The following SORL1 variants were observed in gnomAD, a reference collection of about 807,000 sequenced individuals.
SORL1 encodes the protein sortilin related receptor 1.
A neutral mutation model predicts 273.7 loss-of-function variants in SORL1; 127 were observed. That is an observed-to-expected ratio of 0.46 (90% CI 0.40 to 0.54). The LOEUF (loss-of-function observed/expected upper bound fraction) is 0.54. SORL1 is among the 20% of genes least tolerant of loss of function. The pLI is 0.00. For missense variants in SORL1, 2,494 were observed against 2,846.1 expected (o/e 0.88, Z 2.81); for synonymous variants, 1,031 against 1,067.4 (o/e 0.97, Z 0.66).
chr11:121,500,543 A>G (rs374403381), intron 6 of SORL1, among the ~76,000 whole-genome samples: 1 of 152,216 alleles, frequency 6.6e-6, no homozygotes, highest in South Asian at 2.1e-4. Context: ...GGTTGCTTTC[A>G]TGCCCAGTGG....
intron 27 of SORL1, among the ~76,000 whole-genome samples, chr11:121,587,470 C>T (rs893626625): frequency 2.0e-5 from 3 of 152,174 alleles, no homozygotes; most frequent in African/African-American, 4.8e-5. Context: ...TCAAAGGACA[C>T]GAATTCTTTT....
intron 30 of SORL1, 154 bp from the exon 31 acceptor site, chr11:121,590,847 C>T (rs1479753626): frequency 3.6e-6 from 3 of 824,910 alleles, no homozygotes; most frequent in East Asian, 4.8e-5. Context: ...TACATGATTT[C>T]TAGATTAGCC....
chr11:121,537,299 G>A (rs147479727), intron 12 of SORL1, among the ~76,000 whole-genome samples: 98 of 152,262 alleles, frequency 6.4e-4, no homozygotes, highest in African/African-American at 2.3e-3. Context: ...GAATGACATG[G>A]CTAGACTTGC....
chr11:121,593,523 C>G (rs1403163599), intron 31 of SORL1, among the ~76,000 whole-genome samples: 1 of 152,194 alleles, frequency 6.6e-6, no homozygotes, highest in African/African-American at 2.4e-5. Flanking sequence ...GCCTGTTACC[C>G]AGGGACTTTC....
chr11:121,465,199 A>T (rs1302364240), intron 1 of SORL1, among the ~76,000 whole-genome samples: 2 of 152,138 alleles, frequency 1.3e-5, no homozygotes, highest in Non-Finnish European at 2.9e-5. Context: ...GTAACCACTA[A>T]TCAGCTTTCT....
chr11:121,503,999 A>C (rs1256074237), intron 6 of SORL1, among the ~76,000 whole-genome samples: 1 of 152,228 alleles, frequency 6.6e-6, no homozygotes, highest in Non-Finnish European at 1.5e-5. Flanking sequence ...TATCATCTTA[A>C]TATATCATGC....
At chr11:121,615,796 C>A (rs1299834240) in intron 41 of SORL1, among the ~76,000 whole-genome samples, 1 of 152,162 alleles carries the variant, frequency 6.6e-6, no homozygotes, top group African/African-American at 2.4e-5. Context: ...GTAAGATTTA[C>A]TGAGCAGCCA....
intron 11 of SORL1, among the ~76,000 whole-genome samples, chr11:121,529,808 T>A (rs1463694611): frequency 6.6e-6 from 1 of 152,232 alleles, no homozygotes; most frequent in Admixed American, 6.5e-5. Flanking sequence ...ACATTTAATA[T>A]AATTATTGAT....
intron 20 of SORL1, among the ~76,000 whole-genome samples, chr11:121,559,053 TA>T (rs1225427511): frequency 6.6e-6 from 1 of 152,230 alleles, no homozygotes; most frequent in Non-Finnish European, 1.5e-5. Flanking sequence ...TTCAAAAGGT[TA>T]AAAGTGAAGG....
At chr11:121,473,175 T>A (rs1861198614) in intron 2 of SORL1, among the ~76,000 whole-genome samples, 1 of 152,174 alleles carries the variant, frequency 6.6e-6, no homozygotes, top group African/African-American at 2.4e-5. Context: ...AAATTCTCTT[T>A]AAAGAAGACT....
At chr11:121,620,198 C>T (rs1454223107) in intron 43 of SORL1, among the ~76,000 whole-genome samples, 1 of 152,232 alleles carries the variant, frequency 6.6e-6, no homozygotes, top group Non-Finnish European at 1.5e-5. Context: ...CAGGGATTAG[C>T]AAACAAAGGC....
At chr11:121,538,804 G>A (rs1377093952) in intron 12 of SORL1, among the ~76,000 whole-genome samples, 1 of 151,836 alleles carries the variant, frequency 6.6e-6, no homozygotes, top group Non-Finnish European at 1.5e-5. Flanking sequence ...TCAGCCTCCC[G>A]AGTAGCTGGG....
rs1225060773 is a variant in SORL1, at chr11:121,577,234, T to G, written c.3461-47T>G. On this transcript the variant is annotated intron_variant, in intron 24 of 47. Transcript: ENST00000260197. ...AGCTTTGACACCAGAGACAAAATTC[T>G]GAACAAGCTTTTGTCCTCACCTCTC... 6 of 1,543,472 alleles carry G rather than the reference T, an allele frequency of 3.9e-6. No individual in the cohort carries two copies. The East Asian group carries it at 9.0e-5, about 23-fold the overall frequency.
chr11:121,530,401 A>T (rs1471002817), intron 11 of SORL1, among the ~76,000 whole-genome samples: 1 of 152,052 alleles, frequency 6.6e-6, no homozygotes, highest in Non-Finnish European at 1.5e-5. Flanking sequence ...TTCCTGAAGG[A>T]TATGTTTATT....
At position 121,604,270 on chromosome 11, in the gene SORL1, C is replaced by A; in HGVS notation, c.4597C>A (p.Arg1533Ser). Residue 1533 changes from arginine to serine, a missense_variant, in exon 33 of 48, where the codon CGC becomes AGC. Coordinates refer to ENST00000260197, the MANE Select transcript of SORL1 (RefSeq NM_003105.6). Reference sequence around the variant, plus strand: ...GGAGGCCTGCATTGTGCTCTCGGAGCGCTGCGACGGCTTCCTGGACTGCTC... The same window carrying A: ...GGAGGCCTGCATTGTGCTCTCGGAGAGCTGCGACGGCTTCCTGGACTGCTC... ...DGEACIVLSE[R>S]CDGFLDCSDE... is the part of the protein sequence containing the mutation. 6.2e-7 allele frequency: 1 copy of A among 1,614,008 alleles called. No homozygotes were observed. The highest frequency in any genetic ancestry group is 1.6e-4 in the Middle Eastern group (1 of 6,062).
intron 26 of SORL1, among the ~76,000 whole-genome samples, chr11:121,584,147 T>C (rs1214409474): frequency 6.6e-6 from 1 of 152,218 alleles, no homozygotes; most frequent in Non-Finnish European, 1.5e-5. Context: ...CTTTGAGATA[T>C]TTTCTGAGAG....
intron 26 of SORL1, 97 bp from the exon 27 acceptor site, chr11:121,586,125 C>T: frequency 1.1e-6 from 1 of 917,072 alleles, no homozygotes; most frequent in Non-Finnish European, 1.8e-6. Context: ...TTGCCCTCCC[C>T]AGTGGTGGTA....
intron 24 of SORL1, chr11:121,577,057 C>T: frequency 8.5e-7 from 1 of 1,170,548 alleles, no homozygotes. Flanking sequence ...CTCTAAGGGT[C>T]TGAGGGTCTC....
At chr11:121,524,738 A>G (rs1319408612) in intron 11 of SORL1, among the ~76,000 whole-genome samples, 1 of 150,748 alleles carries the variant, frequency 6.6e-6, no homozygotes, top group African/African-American at 2.4e-5. Flanking sequence ...AATAATTTTT[A>G]TTTCTTTTAT....
Sources: allele counts gnomAD v4.1 joint callset (sites outside exome capture counted in the v4.1 genomes callset), GRCh38; gene constraint gnomAD v4.1.1; transcripts MANE v1.5; gene names NCBI Gene and HGNC (gene_info 2026-07-23, HGNC 2026-07-21).